The following BMPR2 variants were observed in gnomAD, a reference collection of about 807,000 sequenced individuals.
The protein encoded by BMPR2 is bone morphogenetic protein receptor type-2.
BMPR2 carries 29 observed loss-of-function variants against 100.8 expected under a neutral mutation model. The observed-to-expected ratio is 0.29, with a 90% CI of 0.21 to 0.39. The LOEUF is 0.39. Ranked by LOEUF, BMPR2 falls within the 10% of genes least tolerant of loss-of-function variation. The pLI is 1.00. For synonymous variants in BMPR2, 382 were observed against 442.3 expected, an observed-to-expected ratio of 0.86 and a Z score of 1.71; for missense variants, 1,011 against 1,274.5, an observed-to-expected ratio of 0.79 and a Z score of 3.15.
Position 202,377,438 on chromosome 2 carries a change from CT to C in BMPR2, c.-33del, listed in dbSNP as rs760123053. 3 of 1,608,924 alleles carry C rather than the reference CT, an allele frequency of 1.9e-6. No homozygotes were observed. The highest frequency in any genetic ancestry group is 2.6e-6 in the Non-Finnish European group (3 of 1,175,330). On this transcript the variant is annotated 5_prime_UTR_variant, in exon 1 of 13. Transcript: ENST00000374580. ...CTCCGCCGGTCTACTTCCCATATTT[CT>C]TTTCTTTGCCCTCCTGATTCTTGGC... is the stretch of plus-strand genomic sequence containing the variant.
chr2:202,554,248 C>A (rs894431682), intron 11 of BMPR2, among the ~76,000 whole-genome samples: 7 of 151,972 alleles, frequency 4.6e-5, no homozygotes, highest in African/African-American at 1.5e-4. Flanking sequence ...ATGTTTTTAC[C>A]TCTCTCAAAA....
Position 202,542,444 on chromosome 2 carries a change from C to T in BMPR2, c.1410C>T (p.Ser470=), listed in dbSNP as rs1688294795. 1 of 1,613,630 alleles carries T rather than the reference C, an allele frequency of 6.2e-7. No homozygotes were observed. The highest frequency in any genetic ancestry group is 8.5e-7 in the Non-Finnish European group (1 of 1,179,888). The change falls in exon 10 of 13, where the codon AGC becomes AGT. Residue 470 remains serine (S), a synonymous_variant. Transcript: ENST00000374580. ...PKFPEAWKEN[S]LAVRSLKETI... ...TCCCAGAAGCCTGGAAAGAAAATAG[C>T]CTGGTAAGAAAAAACTAAGTTATTA...
intron 1 of BMPR2, among the ~76,000 whole-genome samples, chr2:202,392,184 C>T (rs1690564247): frequency 6.6e-6 from 1 of 152,034 alleles, no homozygotes. Flanking sequence ...GATTCTCCTG[C>T]CTCTGCCTCC....
chr2:202,465,738 G>A (rs1056298734), intron 2 of BMPR2, among the ~76,000 whole-genome samples: 3 of 151,970 alleles, frequency 2.0e-5, no homozygotes, highest in Non-Finnish European at 2.9e-5. Flanking sequence ...GGCGCCTGTA[G>A]TCCCAGCTAC....
intron 3 of BMPR2, among the ~76,000 whole-genome samples, chr2:202,470,232 C>T (rs1488644404): frequency 2.0e-5 from 3 of 151,936 alleles, no homozygotes; most frequent in Non-Finnish European, 2.9e-5. Context: ...ATCCCATCTA[C>T]CCAGGAGGCT....
In BMPR2 at chr2:202,555,539, G is replaced by T; in HGVS notation, c.1874G>T (p.Gly625Val). ...ACCACAGGACTCACGCCAAGTACTG[G>T]CATGACTACTATATCTGAGATGCCA... ...TNTTGLTPST[G>V]MTTISEMPYP... Residue 625 changes from glycine to valine, a missense_variant, in exon 12 of 13, where the codon GGC becomes GTC. By Grantham distance (109) the Gly-to-Val change is moderately radical. Coordinates refer to ENST00000374580, the MANE Select transcript of BMPR2 (RefSeq NM_001204.7). The T allele has an allele frequency of 6.2e-7, 1 of 1,614,068 alleles. No homozygotes were observed. The highest frequency in any genetic ancestry group is 1.3e-5 in the African/African-American group (1 of 75,004).
At chr2:202,440,276 C>T (rs371500180) in intron 1 of BMPR2, among the ~76,000 whole-genome samples, 2 of 150,582 alleles carry the variant, frequency 1.3e-5, no homozygotes, top group Non-Finnish European at 2.9e-5. Context: ...AGGGGCTCCT[C>T]ACCTCCCAGA....
At chr2:202,478,899 C>T (rs1692603718) in intron 3 of BMPR2, among the ~76,000 whole-genome samples, 2 of 151,966 alleles carry the variant, frequency 1.3e-5, no homozygotes, top group Admixed American at 1.3e-4. Context: ...GCACTCCAGC[C>T]TGGGTGACAG....
intron 1 of BMPR2, among the ~76,000 whole-genome samples, chr2:202,450,839 A>G (rs1401636901): frequency 6.6e-6 from 1 of 152,168 alleles, no homozygotes; most frequent in Non-Finnish European, 1.5e-5. Flanking sequence ...TGTTTTTCAT[A>G]TATTTCATAA....
At chr2:202,384,569 T>TTTTTCTTTCTTTTCTTTC (rs56341654) in intron 1 of BMPR2, among the ~76,000 whole-genome samples, 8 of 93,502 alleles carry the variant, frequency 8.6e-5, no homozygotes, top group South Asian at 3.2e-4. Flanking sequence ...TCTTTCTTTC[T>TTTTTCTTTCTTTTCTTTC]TTTTCTTTCT....
chr2:202,456,845 A>G (rs1574458889), intron 1 of BMPR2, among the ~76,000 whole-genome samples: 2 of 152,046 alleles, frequency 1.3e-5, no homozygotes, highest in African/African-American at 4.8e-5. Context: ...CCTTTCATAT[A>G]TCTCTGCTAC....
At position 202,555,327 on chromosome 2, in the gene BMPR2, C is replaced by G. The variant is rs1688545959; in HGVS notation, c.1662C>G (p.Asp554Glu). 6.2e-7 allele frequency: 1 copy of G among 1,614,150 alleles called. No homozygotes were observed. The highest frequency in any genetic ancestry group is 8.5e-7 in the Non-Finnish European group (1 of 1,179,972). Residue 554 changes from aspartate (D) to glutamate (E), a missense_variant, in exon 12 of 13, where the codon GAC becomes GAG. Asp to Glu is a conservative substitution (Grantham distance 45). Coordinates refer to ENST00000374580, the MANE Select transcript of BMPR2 (RefSeq NM_001204.7). ...ATTCTTCCTCCTCATACATTGAAGA[C>G]TCTATCCATCATACTGACAGCATCG... ...PDYSSSSYIE[D>E]SIHHTDSIVK...
intron 7 of BMPR2, chr2:202,520,471 G>A (rs1024165389): frequency 2.0e-6 from 1 of 489,360 alleles, no homozygotes; most frequent in Non-Finnish European, 3.7e-6. Context: ...ACCCAGCAGA[G>A]AAAGTAGTGG....
chr2:202,379,291 TGTTGTAG>T (rs1407669684), intron 1 of BMPR2, among the ~76,000 whole-genome samples: 1 of 152,230 alleles, frequency 6.6e-6, no homozygotes, highest in Non-Finnish European at 1.5e-5. Context: ...GACAATTCTA[TGTTGTAG>T]GTTATTATCA....
chr2:202,397,572 C>T (rs1217982261), intron 1 of BMPR2, among the ~76,000 whole-genome samples: 1 of 150,822 alleles, frequency 6.6e-6, no homozygotes, highest in East Asian at 1.9e-4. Flanking sequence ...AAACATGGCT[C>T]CCTGGGGCCT....
Position 202,564,666 on chromosome 2 carries a change from G to T in BMPR2, c.*4720G>T, listed in dbSNP as rs1410119408. 6.6e-6 allele frequency: 1 copy of T among 152,182 alleles called. No individual in the cohort carries two copies. The highest frequency in any genetic ancestry group is 6.5e-5 in the Admixed American group (1 of 15,276). The allele number at this position is 152,182 out of a possible 1,614,324, so 9.4% of individuals were successfully genotyped here. ...TACATAAAATTTGTTATCAAGAGAA[G>T]GCTTTTCTACAAGTTTCCAGATTAA... is the stretch of plus-strand genomic sequence containing the variant. On this transcript the variant is annotated 3_prime_UTR_variant, in exon 13 of 13. Transcript: ENST00000374580.
rs1297610217 is a variant in BMPR2, at chr2:202,567,021, T to C, written c.*7075T>C. On this transcript the variant is annotated 3_prime_UTR_variant, in exon 13 of 13. Coordinates refer to ENST00000374580, the MANE Select transcript of BMPR2 (RefSeq NM_001204.7). ...TGCTTGACTTCTGTGGCTTTTCTTT[T>C]TCTGGCCACATTTATTTATTTAAGC... The C allele has an allele frequency of 1.3e-5, 2 of 152,232 alleles. No individual in the cohort carries two copies. The highest frequency in any genetic ancestry group is 4.8e-5 in the African/African-American group (2 of 41,460). 9.4% of individuals were successfully genotyped at this position (152,232 alleles called of 1,614,324 possible).
chr2:202,533,595 C>T (rs1020174409), intron 9 of BMPR2, among the ~76,000 whole-genome samples: 2 of 152,052 alleles, frequency 1.3e-5, no homozygotes, highest in Non-Finnish European at 1.5e-5. Context: ...GAGGCCAAGG[C>T]AGGCGGATCA....
At chr2:202,534,659 T>A (rs1011775729) in intron 9 of BMPR2, among the ~76,000 whole-genome samples, 9 of 152,162 alleles carry the variant, frequency 5.9e-5, no homozygotes, top group Admixed American at 1.3e-4. Context: ...CATGTCTACT[T>A]CTTTCTACAC....
Sources: allele counts gnomAD v4.1 joint callset (sites outside exome capture counted in the v4.1 genomes callset), GRCh38; gene constraint gnomAD v4.1.1; transcripts MANE v1.5; gene names NCBI Gene and HGNC (gene_info 2026-07-23, HGNC 2026-07-21).